The following NR2C2 variants were observed in gnomAD, a reference collection of about 807,000 sequenced individuals.
NR2C2 encodes the protein Nuclear hormone receptor TR4.
A neutral mutation model predicts 62.9 loss-of-function variants in NR2C2; 6 were observed. The ratio of observed to expected loss-of-function variants is 0.10; its 90% CI spans 0.05 to 0.19. NR2C2 has a LOEUF of 0.19. NR2C2 is among the 10% of genes least tolerant of loss of function. The probability of loss-of-function intolerance (pLI) is 1.00; values close to 1 mark genes in which losing one functional copy is unlikely to be tolerated. For synonymous variants in NR2C2, 272 were observed against 273.8 expected (o/e 0.99, Z 0.07); for missense variants, 479 against 762.7 (o/e 0.63, Z 4.38).
chr3:14,976,437 A>G (rs2040206246), intron 1 of NR2C2, among the ~76,000 whole-genome samples: 1 of 152,106 alleles, frequency 6.6e-6, no homozygotes, highest in Non-Finnish European at 1.5e-5. Context: ...AATCAGAAGC[A>G]TTTTTAGTTT....
chr3:15,023,760 A>G (rs2125031273), intron 6 of NR2C2, among the ~76,000 whole-genome samples: 1 of 152,350 alleles, frequency 6.6e-6, no homozygotes, highest in East Asian at 1.9e-4. Context: ...AGGGGAAAAC[A>G]AGCAATCCAA....
At chr3:15,000,323 C>T (rs116403251) in intron 1 of NR2C2, among the ~76,000 whole-genome samples, 15 of 152,248 alleles carry the variant, frequency 9.9e-5, no homozygotes, top group African/African-American at 3.1e-4. Flanking sequence ...CAGTTCCATC[C>T]GTGTCATCAG....
At chr3:15,032,107 G>A (rs1312692300) in intron 9 of NR2C2, among the ~76,000 whole-genome samples, 2 of 152,190 alleles carry the variant, frequency 1.3e-5, no homozygotes, top group East Asian at 3.8e-4. Context: ...CAGTTTAGCT[G>A]AGGCAAGACT....
chr3:14,950,305 C>T (rs2039313477), intron 1 of NR2C2, among the ~76,000 whole-genome samples: 1 of 152,102 alleles, frequency 6.6e-6, no homozygotes, highest in Non-Finnish European at 1.5e-5. Context: ...ATAGTACTAA[C>T]CAAAGTATAG....
At chr3:14,986,618 A>C (rs752404321) in intron 1 of NR2C2, among the ~76,000 whole-genome samples, 7 of 152,250 alleles carry the variant, frequency 4.6e-5, no homozygotes, top group Non-Finnish European at 1.0e-4. Context: ...TCCTTTCTTG[A>C]AATCTGTGTC....
At chr3:15,038,168 T>C in intron 12 of NR2C2, 31 bp downstream of exon 12, 1 of 1,587,710 alleles carries the variant, frequency 6.3e-7, no homozygotes, top group South Asian at 1.1e-5. Flanking sequence ...GCATGACCCC[T>C]TTCCACCTGT....
chr3:15,034,658 C>G lies in NR2C2; in HGVS notation c.1233-12C>G. On this transcript the variant is annotated splice_polypyrimidine_tract_variant and intron_variant, in intron 10 of 13. Coordinates refer to ENST00000425241, the MANE Select transcript of NR2C2 (RefSeq NM_001291694.2). ...ACACACACCACACTCAGACTCCTTT[C>G]TATATTCCTAGGCAGGACTGCAACA... 7 of 1,613,296 alleles carry G rather than the reference C, an allele frequency of 4.3e-6. No homozygotes were observed. Among genetic ancestry groups the G allele is most frequent in the Non-Finnish European group, 5.9e-6 (7 of 1,179,590 alleles).
chr3:15,041,792 G>A (rs1051493366), intron 13 of NR2C2, among the ~76,000 whole-genome samples: 3 of 152,242 alleles, frequency 2.0e-5, no homozygotes, highest in Middle Eastern at 3.4e-3. Context: ...GGGAGGTTGC[G>A]GTTGCAGTGA....
chr3:15,000,324 G>A (rs1051789654), intron 1 of NR2C2, among the ~76,000 whole-genome samples: 7 of 152,074 alleles, frequency 4.6e-5, no homozygotes, highest in Admixed American at 1.3e-4. Context: ...AGTTCCATCC[G>A]TGTCATCAGA....
At chr3:15,000,094 C>T (rs112239968) in intron 1 of NR2C2, among the ~76,000 whole-genome samples, 3 of 151,710 alleles carry the variant, frequency 2.0e-5, no homozygotes, top group African/African-American at 7.3e-5. Context: ...ATTCGCCATG[C>T]TGTGCAATAG....
intron 2 of NR2C2, chr3:15,004,670 A>G (rs2124935936): frequency 3.2e-6 from 5 of 1,582,922 alleles, no homozygotes; most frequent in Non-Finnish European, 2.6e-6. Flanking sequence ...TATATTGATG[A>G]CAAAGATTTA....
intron 1 of NR2C2, among the ~76,000 whole-genome samples, chr3:14,985,862 TGTGG>T (rs1170979369): frequency 1.3e-5 from 2 of 152,228 alleles, no homozygotes; most frequent in East Asian, 3.8e-4. Context: ...TGGGCTCATA[TGTGG>T]GAGTATCTCT....
intron 1 of NR2C2, among the ~76,000 whole-genome samples, chr3:14,957,575 T>C (rs1559526643): frequency 6.6e-6 from 1 of 152,234 alleles, no homozygotes; most frequent in Non-Finnish European, 1.5e-5. Flanking sequence ...TTCTATGGTC[T>C]GTATTACAAT....
Position 15,013,653 on chromosome 3 carries a change from C to A in NR2C2, c.137C>A (p.Ser46Tyr). 1 of 1,614,154 alleles carries A rather than the reference C, an allele frequency of 6.2e-7. No individual in the cohort carries two copies. Among genetic ancestry groups the A allele is most frequent in the Non-Finnish European group, 8.5e-7 (1 of 1,180,026 alleles). The change falls in exon 3 of 14, where the codon TCC becomes TAC. Residue 46 changes from serine to tyrosine, a missense_variant. This residue lies in a region of NR2C2 where 115 missense variants were observed against 152.3 expected (regional missense o/e 0.76). Transcript: ENST00000425241. ...QIVTAVDASGSPKQQFILTSP... is the reference protein window; with the variant it reads ...QIVTAVDASGYPKQQFILTSP... ...GTCACCGCAGTGGACGCCTCCGGAT[C>A]CCCCAAACAGCAGTTCATCCTGACC...
At position 15,048,523 on chromosome 3, in the gene NR2C2, T is replaced by A. The variant is rs1211338919; in HGVS notation, c.*5515T>A. On this transcript the variant is annotated 3_prime_UTR_variant, in exon 14 of 14. Transcript: ENST00000425241. ...TTATACATGCAAAATAGAAAAAAAA[T>A]GTTCAACATTTATTGATTGATAGAC... is the stretch of plus-strand genomic sequence containing the variant. The A allele has an allele frequency of 2.0e-5, 3 of 152,572 alleles. No homozygotes were observed. The highest frequency in any genetic ancestry group is 2.1e-4 in the South Asian group (1 of 4,830). 9.5% of individuals were successfully genotyped at this position (152,572 alleles called of 1,614,324 possible).
rs1384327666 is a variant in NR2C2 at position 15,043,506 on chromosome 3, T to C, written c.*498T>C. The C allele has an allele frequency of 1.3e-5, 2 of 152,880 alleles. No homozygotes were observed. The highest frequency in any genetic ancestry group is 4.8e-5 in the African/African-American group (2 of 41,604). 9.5% of individuals were successfully genotyped at this position (152,880 alleles called of 1,614,324 possible). On this transcript the variant is annotated 3_prime_UTR_variant, in exon 14 of 14. Transcript: ENST00000425241. ...CAAATGGAAAACTGTGTATGTCTTT[T>C]GCCGAAATGCTAATGATTTCTGTGA... is the stretch of plus-strand genomic sequence containing the variant.
At chr3:14,956,297 C>T (rs904950825) in intron 1 of NR2C2, among the ~76,000 whole-genome samples, 5 of 152,154 alleles carry the variant, frequency 3.3e-5, no homozygotes, top group African/African-American at 1.2e-4. Flanking sequence ...CTATCTAAAT[C>T]CTTCCATTTT....
At chr3:14,989,670 G>A (rs896719546) in intron 1 of NR2C2, among the ~76,000 whole-genome samples, 8 of 149,016 alleles carry the variant, frequency 5.4e-5, no homozygotes, top group African/African-American at 1.2e-4. Flanking sequence ...GGTGGCTCAC[G>A]ACCTGTAATC....
chr3:14,981,644 A>G (rs1224410478), intron 1 of NR2C2, among the ~76,000 whole-genome samples: 1 of 151,048 alleles, frequency 6.6e-6, no homozygotes, highest in African/African-American at 2.4e-5. Context: ...TCACATGATC[A>G]CAAGGTGAAG....
Sources: allele counts gnomAD v4.1 joint callset (sites outside exome capture counted in the v4.1 genomes callset), GRCh38; gene constraint gnomAD v4.1.1; regional missense constraint gnomAD v4.1.1; transcripts MANE v1.5; gene names NCBI Gene and HGNC (gene_info 2026-07-23, HGNC 2026-07-21).